The following MYH10 variants were observed in gnomAD, a reference collection of about 807,000 sequenced individuals.
MYH10 encodes the protein myosin-10.
MYH10 carries 55 observed loss-of-function variants against 257.8 expected under a neutral mutation model. The ratio of observed to expected loss-of-function variants is 0.21; its 90% confidence interval spans 0.17 to 0.27. The LOEUF is 0.27. Ranked by LOEUF, MYH10 falls within the 10% of genes least tolerant of loss-of-function variation. The pLI is 1.00. For synonymous variants in MYH10, 854 were observed against 921.7 expected (o/e 0.93, Z 1.33); for missense variants, 1,631 against 2,500.6 (o/e 0.65, Z 7.42).
chr17:8,623,692 A>G (rs919564710), intron 1 of MYH10, among the ~76,000 whole-genome samples: 4 of 152,214 alleles, frequency 2.6e-5, no homozygotes, highest in African/African-American at 9.6e-5. Flanking sequence ...ACAAGGAAAC[A>G]GCTACAAAAA....
chr17:8,551,160 T>TAA (rs1567888126), intron 9 of MYH10, among the ~76,000 whole-genome samples: 2,360 of 99,546 alleles, frequency 0.024, 64 homozygotes, highest in African/African-American at 0.078. Flanking sequence ...AATAATAAAT[T>TAA]TAAAAAAAAA....
rs752376659 is a variant in MYH10, at chr17:8,490,370, A to T, written c.4854T>A (p.Asn1618Lys). The T allele has an allele frequency of 2.5e-6, 4 of 1,613,986 alleles. No individual in the cohort carries two copies. Among genetic ancestry groups the T allele is most frequent in the Non-Finnish European group, 2.5e-6 (3 of 1,180,020 alleles). The change falls in exon 35 of 43, where the codon AAT becomes AAA. Residue 1618 changes from asparagine to lysine, a missense_variant. By Grantham distance (94) the Asn-to-Lys change is moderately conservative. This residue lies in a region of MYH10 where 463 missense variants were observed against 621.8 expected (regional missense o/e 0.74). Transcript: ENST00000360416. This position sits in a 1 kb window ranked among gnomAD's most constrained non-coding sequence, Gnocchi z 4.1. ...TGATCAGCAGCCGCTTCTTCTCTTC[A>T]TTCTGCTCATCCCTGGTTTGCAGGT... is the stretch of plus-strand genomic sequence containing the variant. Reference protein sequence around the residue: ...ERDLQTRDEQNEEKKRLLIKQ... With the variant: ...ERDLQTRDEQKEEKKRLLIKQ...
intron 4 of MYH10, among the ~76,000 whole-genome samples, chr17:8,583,813 G>A (rs1361032375): frequency 1.3e-5 from 2 of 152,042 alleles, no homozygotes; most frequent in Non-Finnish European, 2.9e-5. Flanking sequence ...CATCTTAATA[G>A]GCCATTGTGA....
chr17:8,593,926 G>GTTTAC (rs2152057400), intron 3 of MYH10, among the ~76,000 whole-genome samples: 1 of 152,258 alleles, frequency 6.6e-6, no homozygotes, highest in South Asian at 2.1e-4. Flanking sequence ...TGATTTCAAG[G>GTTTAC]TTTACTGTAA....
rs1000457971 is a variant in MYH10 at position 8,508,686 on chromosome 17, G to A, written c.3091-9C>T. On this transcript the variant is annotated splice_polypyrimidine_tract_variant and intron_variant, in intron 25 of 42. Coordinates refer to ENST00000360416, the MANE Select transcript of MYH10 (RefSeq NM_001256012.3). ...TCCATGAGTTTCTTTTCCTGGACAG[G>A]AAAAATTGACTGCTTCAGAAAAGCC... 1 of 1,612,990 alleles carries A rather than the reference G, an allele frequency of 6.2e-7. No homozygotes were observed. The highest frequency in any genetic ancestry group is 8.5e-7 in the Non-Finnish European group (1 of 1,179,548).
chr17:8,533,523 G>A (rs938762325), intron 16 of MYH10, among the ~76,000 whole-genome samples: 2 of 152,124 alleles, frequency 1.3e-5, no homozygotes, highest in African/African-American at 4.8e-5. Flanking sequence ...CTTCTTACCC[G>A]TTTAAGGCAT....
chr17:8,500,903 C>T lies in MYH10; in HGVS notation c.3667G>A (p.Ala1223Thr), dbSNP rs1457528423. 3 of 1,614,004 alleles carry T rather than the reference C, an allele frequency of 1.9e-6. No homozygotes were observed. Among genetic ancestry groups the T allele is most frequent in the African/African-American group, 2.7e-5 (2 of 74,902 alleles). ...CTTTGTCTCATGTCCTGGATTTGAG[C>T]TTCATGGTTCTTAGTTTCCTCCTCA... ...ALEEETKNHEAQIQDMRQRHA... is the reference protein window; with the variant it reads ...ALEEETKNHETQIQDMRQRHA... The change falls in exon 29 of 43, where the codon GCT becomes ACT. Residue 1223 changes from alanine (A) to threonine (T), a missense_variant. Physicochemically the swap from Ala to Thr is moderately conservative, Grantham distance 58 (BLOSUM62 0). Coordinates refer to ENST00000360416, the MANE Select transcript of MYH10 (RefSeq NM_001256012.3).
intron 4 of MYH10, among the ~76,000 whole-genome samples, chr17:8,586,743 T>C (rs981976247): frequency 6.6e-6 from 1 of 152,122 alleles, no homozygotes; most frequent in African/African-American, 2.4e-5. Flanking sequence ...ACAAAATAAG[T>C]ACTCACGAAC....
At chr17:8,551,882 C>T (rs1156731177) in intron 9 of MYH10, among the ~76,000 whole-genome samples, 164 bp downstream of exon 9, 1 of 151,970 alleles carries the variant, frequency 6.6e-6, no homozygotes, top group Non-Finnish European at 1.5e-5. Flanking sequence ...AGTACTTACC[C>T]CATGGCATGG....
At chr17:8,561,625 T>C (rs1001162929) in intron 7 of MYH10, 2 of 627,282 alleles carry the variant, frequency 3.2e-6, no homozygotes, top group African/African-American at 2.3e-5. Context: ...TGGAGAAAAA[T>C]AAAATGGAAA....
chr17:8,535,656 T>C lies in MYH10; in HGVS notation c.1779+102A>G. ...ATGTTTGTAATATATACTGTATTTG[T>C]TTATAAATGTTTATCAGCACCTTTG... On this transcript the variant is annotated intron_variant, in intron 15 of 42. Transcript: ENST00000360416. This position sits in a 1 kb window ranked among gnomAD's most constrained non-coding sequence, Gnocchi z 4.3. 2.3e-6 allele frequency: 3 copies of C among 1,300,536 alleles called. No homozygotes were observed. Among genetic ancestry groups the C allele is most frequent in the Non-Finnish European group, 3.2e-6 (3 of 931,552 alleles). The allele number at this position is 1,300,536 out of a possible 1,614,324, so 80.6% of individuals were successfully genotyped here.
chr17:8,492,279 GC>G lies in MYH10; in HGVS notation c.4671+17del. On this transcript the variant is annotated intron_variant, in intron 34 of 42. Transcript: ENST00000360416. ...ATACTCTCCCGTGCGGAAGTGTGGA[GC>G]CCACCAGGCGACTTACGTTTTTTCC... 2 of 1,607,992 alleles carry G rather than the reference GC, an allele frequency of 1.2e-6. No individual in the cohort carries two copies.
intron 1 of MYH10, among the ~76,000 whole-genome samples, chr17:8,627,910 C>T (rs2085743457): frequency 6.6e-6 from 1 of 152,182 alleles, no homozygotes; most frequent in Admixed American, 6.5e-5. Flanking sequence ...AAGCCAATAA[C>T]CAGCCCAAGG....
chr17:8,481,589 G>A, intron 37 of MYH10, 179 bp from the exon 38 acceptor site: 1 of 564,444 alleles, frequency 1.8e-6, no homozygotes, highest in Non-Finnish European at 3.1e-6. Context: ...GGCCAGCCAG[G>A]TGGTGTGTGG....
At chr17:8,491,901 G>A (rs143369421) in intron 34 of MYH10, among the ~76,000 whole-genome samples, 10 of 152,320 alleles carry the variant, frequency 6.6e-5, no homozygotes, top group African/African-American at 2.2e-4. Context: ...GAAGAACCAG[G>A]TCAGAGGGAG....
intron 17 of MYH10, among the ~76,000 whole-genome samples, chr17:8,529,389 T>C (rs950268055): frequency 6.6e-6 from 1 of 152,216 alleles, no homozygotes; most frequent in African/African-American, 2.4e-5. Context: ...AGGGAATTCA[T>C]CTAAAGAGGG....
rs770842872 is a variant in MYH10, at chr17:8,480,450, C to G, written c.5340G>C (p.Gln1780His). The change falls in exon 39 of 43, where the codon CAG becomes CAC. Residue 1780 changes from glutamine (Q) to histidine (H), a missense_variant. By Grantham distance (24) the Gln-to-His change is conservative. Transcript: ENST00000360416. ...AQLEEELEEE[Q>H]SNMELLNDRF... is the part of the protein sequence containing the mutation. ...GGTCGTTGAGCAGCTCCATGTTGCTCTGCTCCTCTTCCAGCTCCTCCTCCA... is the reference window on the plus strand; with the variant it reads ...GGTCGTTGAGCAGCTCCATGTTGCTGTGCTCCTCTTCCAGCTCCTCCTCCA... 3.1e-6 allele frequency: 5 copies of G among 1,613,016 alleles called. No homozygotes were observed. Among genetic ancestry groups the G allele is most frequent in the East Asian group, 2.2e-5 (1 of 44,876 alleles).
Position 8,617,630 on chromosome 17 carries a change from A to C in MYH10, c.345+5272T>G, listed in dbSNP as rs147244634. ...TTCCACTCCTAGTTACACACCTTAC[A>C]GAAAGGCATGCTTACTGTGCACCAA... On this transcript the variant is annotated intron_variant, in intron 2 of 42. Transcript: ENST00000360416. Among the ~76,000 whole-genome samples, 5 of 152,314 alleles carry C rather than the reference A, an allele frequency of 3.3e-5. No homozygotes were observed. The East Asian group carries it at 9.7e-4, about 29-fold the overall frequency.
At chr17:8,514,952 G>C (rs1254487818) in intron 21 of MYH10, among the ~76,000 whole-genome samples, 4 of 152,098 alleles carry the variant, frequency 2.6e-5, no homozygotes, top group Non-Finnish European at 5.9e-5. Context: ...GCACCAGAAC[G>C]GCCTCCGAGT....
Sources: gnomAD v4.1 joint callset for allele counts (sites outside exome capture counted in the v4.1 genomes callset) on GRCh38, gnomAD v4.1.1 for gene constraint, gnomAD v4.1.1 regional missense constraint, Gnocchi (gnomAD v3.1) non-coding constraint, MANE v1.5 for transcripts, NCBI Gene and HGNC (gene_info 2026-07-23, HGNC 2026-07-21) for gene names.